ADAM18: variants seen among roughly 807,000 people sequenced by gnomAD.
ADAM18 encodes disintegrin and metalloproteinase domain-containing protein 18.
Under a neutral mutation model 94.4 loss-of-function variants are expected in ADAM18, and 117 were observed. The observed-to-expected ratio is 1.24, with a 90% CI of 1.07 to 1.45. ADAM18 has a LOEUF of 1.45. ADAM18 is among the 40% of genes most tolerant of loss of function. ADAM18 has a pLI of 0.00. For synonymous variants in ADAM18, 327 were observed against 291.6 expected (o/e 1.12, Z -1.24); for missense variants, 936 against 880.0 (o/e 1.06, Z -0.81).
intron 13 of ADAM18, among the ~76,000 whole-genome samples, chr8:39,664,869 A>G (rs1820950027): frequency 6.6e-6 from 1 of 152,198 alleles, no homozygotes; most frequent in East Asian, 1.9e-4. Flanking sequence ...CTTAGTAGCA[A>G]GATATTTTAT....
intron 7 of ADAM18, among the ~76,000 whole-genome samples, chr8:39,635,024 G>A (rs2129579220): frequency 6.6e-6 from 1 of 152,196 alleles, no homozygotes; most frequent in Admixed American, 6.5e-5. Flanking sequence ...GGTGATTAGT[G>A]CACAAGAACT....
intron 16 of ADAM18, among the ~76,000 whole-genome samples, chr8:39,689,313 T>G (rs1821702197): frequency 6.6e-6 from 1 of 152,206 alleles, no homozygotes; most frequent in Admixed American, 6.5e-5. Context: ...TTGCCAGGGT[T>G]TTTATAGTTT....
At chr8:39,716,125 T>C (rs528647197) in intron 18 of ADAM18, among the ~76,000 whole-genome samples, 1 of 152,078 alleles carries the variant, frequency 6.6e-6, no homozygotes, top group Non-Finnish European at 1.5e-5. Flanking sequence ...ATCAATTTTG[T>C]TTGCCATTTT....
At chr8:39,608,942 A>G (rs1172639645) in intron 3 of ADAM18, 100 bp from the exon 4 acceptor site, 1 of 707,740 alleles carries the variant, frequency 1.4e-6, no homozygotes, top group Non-Finnish European at 2.4e-6. Flanking sequence ...CATTATATAA[A>G]GCTAATTAAA....
At chr8:39,714,235 A>G (rs1822504912) in intron 18 of ADAM18, among the ~76,000 whole-genome samples, 1 of 152,198 alleles carries the variant, frequency 6.6e-6, no homozygotes. Context: ...TGGGAAGTGA[A>G]CAATGAGATC....
chr8:39,696,495 AC>A (rs1215273208), intron 17 of ADAM18, among the ~76,000 whole-genome samples: 16 of 151,542 alleles, frequency 1.1e-4, no homozygotes, highest in African/African-American at 3.6e-4. Flanking sequence ...AAGAGCTTTA[AC>A]TTTTTAACTC....
intron 6 of ADAM18, among the ~76,000 whole-genome samples, chr8:39,626,128 T>A (rs1412889524): frequency 6.6e-6 from 1 of 152,216 alleles, no homozygotes; most frequent in Non-Finnish European, 1.5e-5. Flanking sequence ...TATTTCATCT[T>A]GATTCAAGCT....
chr8:39,685,699 G>C (rs912513325), intron 16 of ADAM18, among the ~76,000 whole-genome samples: 13 of 152,008 alleles, frequency 8.6e-5, no homozygotes, highest in African/African-American at 2.9e-4. Flanking sequence ...TTTTAGTTCT[G>C]CTTTCCTTTT....
intron 19 of ADAM18, among the ~76,000 whole-genome samples, chr8:39,728,664 G>A (rs754047810): frequency 1.3e-4 from 20 of 152,072 alleles, no homozygotes; most frequent in Non-Finnish European, 2.9e-4. Flanking sequence ...AAAAATCTTG[G>A]CTATTTGGAA....
At chr8:39,611,208 A>C in intron 6 of ADAM18, 1 of 634,124 alleles carries the variant, frequency 1.6e-6, no homozygotes, top group South Asian at 7.1e-5. Flanking sequence ...TTCTGATAAA[A>C]ATATTCTATT....
At chr8:39,632,519 A>G (rs539836826) in intron 7 of ADAM18, among the ~76,000 whole-genome samples, 1 of 152,130 alleles carries the variant, frequency 6.6e-6, no homozygotes, top group Non-Finnish European at 1.5e-5. Flanking sequence ...CCTACTTATC[A>G]CATTTTAATC....
rs544432817 is a variant in ADAM18 at position 39,668,263 on chromosome 8, C to T, written c.1525+67C>T. On this transcript the variant is annotated intron_variant, in intron 14 of 19. Coordinates refer to ENST00000265707, the MANE Select transcript of ADAM18 (RefSeq NM_014237.3). ...ATCTCTCTGTAGAGTACATTATGTA[C>T]CACACAACTCTAGAAGTGGAAGAAA... The T allele has an allele frequency of 1.9e-5, 27 of 1,433,478 alleles. No homozygotes were observed. The East Asian group carries it at 5.0e-4, about 27-fold the overall frequency. 88.8% of individuals were successfully genotyped at this position (1,433,478 alleles called of 1,614,324 possible). A position where few individuals can be genotyped will look rare whatever the true frequency, so the allele number is the denominator to read the frequency against.
At chr8:39,604,010 C>G (rs537139440) in intron 2 of ADAM18, among the ~76,000 whole-genome samples, 1 of 152,260 alleles carries the variant, frequency 6.6e-6, no homozygotes, top group South Asian at 2.1e-4. Flanking sequence ...TCATCAGTTA[C>G]GTGGTCATTT....
intron 16 of ADAM18, among the ~76,000 whole-genome samples, chr8:39,687,674 A>G (rs6651359): frequency 1.2e-4 from 19 of 152,240 alleles, no homozygotes; most frequent in African/African-American, 4.3e-4. Flanking sequence ...TTTTACTGCC[A>G]TGTGTATTTA....
intron 18 of ADAM18, among the ~76,000 whole-genome samples, chr8:39,722,023 TTA>T (rs753703811): frequency 2.0e-5 from 3 of 150,392 alleles, no homozygotes; most frequent in East Asian, 1.9e-4. Flanking sequence ...AAAGAACACA[TTA>T]TATATATATG....
intron 16 of ADAM18, among the ~76,000 whole-genome samples, chr8:39,688,205 A>G (rs908965671): frequency 3.3e-5 from 5 of 152,146 alleles, no homozygotes; most frequent in Non-Finnish European, 7.4e-5. Flanking sequence ...ATGATTAGTG[A>G]TGATGAACTT....
chr8:39,690,389 G>A (rs566321609), intron 16 of ADAM18, among the ~76,000 whole-genome samples: 6 of 152,182 alleles, frequency 3.9e-5, no homozygotes, highest in African/African-American at 1.4e-4. Context: ...AGGTCCCATG[G>A]GCAGGGGGCA....
intron 2 of ADAM18, among the ~76,000 whole-genome samples, chr8:39,587,286 C>T (rs965881302): frequency 5.3e-5 from 8 of 152,178 alleles, no homozygotes; most frequent in African/African-American, 1.2e-4. Flanking sequence ...AATGGTGTAT[C>T]GTTAACTATA....
At chr8:39,609,418 C>A in intron 4 of ADAM18, 67 bp from the exon 5 acceptor site, 1 of 1,041,536 alleles carries the variant, frequency 9.6e-7, no homozygotes, top group Non-Finnish European at 1.5e-6. Context: ...AATCTTCTGA[C>A]ATGTTTGACA....
Sources: gnomAD v4.1 joint callset for allele counts (sites outside exome capture counted in the v4.1 genomes callset) on GRCh38, gnomAD v4.1.1 for gene constraint, MANE v1.5 for transcripts, NCBI Gene and HGNC (gene_info 2026-07-23, HGNC 2026-07-21) for gene names.